Variants in JAZF1 observed in about 807,000 individuals in gnomAD.
The protein encoded by JAZF1 is JAZF zinc finger 1.
JAZF1 carries 8 observed loss-of-function variants against 26.4 expected under a neutral mutation model. The observed-to-expected ratio is 0.30, with a 90% CI of 0.18 to 0.55. The LOEUF (loss-of-function observed/expected upper bound fraction) is 0.55. JAZF1 is among the 20% of genes least tolerant of loss of function. JAZF1 has a pLI of 0.94. For missense variants in JAZF1, 199 were observed against 322.0 expected, an observed-to-expected ratio of 0.62 and a Z score of 2.92; for synonymous variants, 126 against 122.3, an observed-to-expected ratio of 1.03 and a Z score of -0.20.
At chr7:27,850,321 G>C (rs776226322) in intron 3 of JAZF1, among the ~76,000 whole-genome samples, 2 of 152,180 alleles carry the variant, frequency 1.3e-5, no homozygotes, top group Non-Finnish European at 2.9e-5. Flanking sequence ...CACGGGCCAT[G>C]CCTGGAAAAT....
chr7:27,996,014 G>A (rs140400652), intron 1 of JAZF1, among the ~76,000 whole-genome samples: 14 of 152,306 alleles, frequency 9.2e-5, no homozygotes, highest in Non-Finnish European at 1.8e-4. Context: ...AGCCCACGTT[G>A]ATCCTCTTTG....
chr7:27,832,785 G>T lies in JAZF1; in HGVS notation c.*15C>A. The T allele has an allele frequency of 1.3e-6, 2 of 1,545,372 alleles. No individual in the cohort carries two copies. Among genetic ancestry groups the T allele is most frequent in the Non-Finnish European group, 8.8e-7 (1 of 1,141,146 alleles). On this transcript the variant is annotated 3_prime_UTR_variant, in exon 5 of 5. Coordinates refer to ENST00000283928, the MANE Select transcript of JAZF1 (RefSeq NM_175061.4). ...CTGCTGGTGAGGATTTCTTGGCACAGTTATGACCAGCATGTTATTGCTGCA... is the reference window on the plus strand; with the variant it reads ...CTGCTGGTGAGGATTTCTTGGCACATTTATGACCAGCATGTTATTGCTGCA...
intron 1 of JAZF1, among the ~76,000 whole-genome samples, chr7:28,178,395 G>A (rs974849399): frequency 6.6e-6 from 1 of 152,108 alleles, no homozygotes; most frequent in Non-Finnish European, 1.5e-5. Context: ...GGTAGGCAAT[G>A]GGGTAAAATT....
intron 1 of JAZF1, among the ~76,000 whole-genome samples, chr7:28,154,264 G>A (rs906813623): frequency 5.9e-5 from 9 of 152,180 alleles, no homozygotes; most frequent in Non-Finnish European, 1.3e-4. Context: ...CAACAGAATA[G>A]ACCTGAAATA....
chr7:27,838,914 C>T lies in JAZF1; in HGVS notation c.555+1784G>A, dbSNP rs1732041628. Among the ~76,000 whole-genome samples the T allele has an allele frequency of 4.6e-5, 7 of 152,200 alleles. No individual in the cohort carries two copies. In the South Asian group the frequency reaches 1.5e-3, roughly 32 times the overall value. On this transcript the variant is annotated intron_variant, in intron 4 of 4. Transcript: ENST00000283928. ...CAGTTAATGGGGCTGGAGCCAGCAG[C>T]CCCTTCAGCCCAAGGCTCACTGAAT... is the stretch of plus-strand genomic sequence containing the variant.
At chr7:28,007,007 C>CA (rs1264298262) in intron 1 of JAZF1, among the ~76,000 whole-genome samples, 1 of 152,166 alleles carries the variant, frequency 6.6e-6, no homozygotes, top group Admixed American at 6.5e-5. Flanking sequence ...GCCCCAGAAG[C>CA]ACATGGAACA....
intron 1 of JAZF1, among the ~76,000 whole-genome samples, chr7:28,104,971 C>T (rs967776089): frequency 1.3e-5 from 2 of 152,120 alleles, no homozygotes; most frequent in African/African-American, 4.8e-5. Flanking sequence ...ATGTCTCACC[C>T]GAGGTGGATT....
intron 1 of JAZF1, among the ~76,000 whole-genome samples, chr7:28,163,396 G>T (rs1179669332): frequency 2.0e-5 from 3 of 152,174 alleles, no homozygotes; most frequent in African/African-American, 7.2e-5. Context: ...AACTGGGGAA[G>T]AGAAGGGGCA....
chr7:28,001,160 C>G (rs575864721), intron 1 of JAZF1, among the ~76,000 whole-genome samples: 40 of 151,920 alleles, frequency 2.6e-4, no homozygotes, highest in Admixed American at 5.2e-4. Context: ...TCGAGACCAG[C>G]CTGGGCAACC....
intron 2 of JAZF1, among the ~76,000 whole-genome samples, chr7:27,944,137 A>G (rs1043020818): frequency 1.3e-5 from 2 of 152,216 alleles, no homozygotes; most frequent in African/African-American, 4.8e-5. Context: ...GTGGTCTGAC[A>G]TTATTTACCT....
At chr7:28,141,938 G>GA (rs2127945787) in intron 1 of JAZF1, among the ~76,000 whole-genome samples, 1 of 152,070 alleles carries the variant, frequency 6.6e-6, no homozygotes, top group Non-Finnish European at 1.5e-5. Context: ...TTTACAGTCA[G>GA]AAAAAAGACT....
intron 1 of JAZF1, among the ~76,000 whole-genome samples, chr7:28,025,673 T>A (rs1223461688): frequency 6.6e-6 from 1 of 152,270 alleles, no homozygotes; most frequent in African/African-American, 2.4e-5. Context: ...TTTGAAATTA[T>A]ATCCTCAACT....
intron 1 of JAZF1, among the ~76,000 whole-genome samples, chr7:28,008,623 A>G (rs886677652): frequency 2.0e-5 from 3 of 152,220 alleles, no homozygotes; most frequent in African/African-American, 7.2e-5. Context: ...GGCTTAAACT[A>G]TACACTAAAA....
intron 3 of JAZF1, chr7:27,841,510 C>G (rs1363245616): frequency 6.6e-6 from 1 of 152,336 alleles, no homozygotes; most frequent in African/African-American, 2.4e-5. Flanking sequence ...TGTGGGGTAG[C>G]TCCTGGAAGA....
intron 1 of JAZF1, among the ~76,000 whole-genome samples, chr7:28,142,557 C>A (rs955628240): frequency 2.0e-5 from 3 of 152,150 alleles, no homozygotes; most frequent in Admixed American, 2.0e-4. Context: ...GCCCTTCTAC[C>A]GTGCGCACCT....
At chr7:27,954,778 A>G (rs1434856929) in intron 2 of JAZF1, among the ~76,000 whole-genome samples, 2 of 152,060 alleles carry the variant, frequency 1.3e-5, no homozygotes, top group Admixed American at 6.6e-5. Flanking sequence ...TTTTCTTTAG[A>G]TGGAGTTTTG....
intron 3 of JAZF1, among the ~76,000 whole-genome samples, chr7:27,860,170 T>C (rs1321008267): frequency 1.3e-5 from 2 of 152,272 alleles, no homozygotes; most frequent in African/African-American, 2.4e-5. Flanking sequence ...TATTTTAATG[T>C]TTAATACTAG....
intron 1 of JAZF1, among the ~76,000 whole-genome samples, chr7:28,075,677 T>C (rs1427192134): frequency 6.6e-6 from 1 of 152,234 alleles, no homozygotes; most frequent in African/African-American, 2.4e-5. Context: ...AATGGCTGCA[T>C]AGTGTTTCCT....
chr7:27,860,869 C>A (rs1359092878), intron 3 of JAZF1, among the ~76,000 whole-genome samples: 2 of 143,010 alleles, frequency 1.4e-5, no homozygotes, highest in African/African-American at 4.9e-5. Flanking sequence ...TTTGCCTCCC[C>A]TCGTCCCTCC....
Sources: allele counts gnomAD v4.1 joint callset (sites outside exome capture counted in the v4.1 genomes callset), GRCh38; gene constraint gnomAD v4.1.1; transcripts MANE v1.5; gene names NCBI Gene and HGNC (gene_info 2026-07-23, HGNC 2026-07-21).